Variants in ECT2L observed in about 807,000 individuals in gnomAD.
ECT2L encodes epithelial cell transforming 2 like, also known as epithelial cell-transforming sequence 2 oncogene-like.
Under a neutral mutation model 122.8 loss-of-function variants are expected in ECT2L, and 126 were observed. That is an observed-to-expected ratio of 1.03 (90% CI 0.89 to 1.19). ECT2L has a LOEUF of 1.19. Ranked by LOEUF, ECT2L falls within the 50% of genes most tolerant of loss-of-function variation. ECT2L has a pLI of 0.00. For missense variants in ECT2L, 1,012 were observed against 1,064.1 expected (o/e 0.95, Z 0.68); for synonymous variants, 385 against 381.8 (o/e 1.01, Z -0.10).
At chr6:138,824,704 A>G (rs893989723) in intron 4 of ECT2L, among the ~76,000 whole-genome samples, 1 of 152,152 alleles carries the variant, frequency 6.6e-6, no homozygotes, top group Admixed American at 6.5e-5. Flanking sequence ...TCAGCCTCCC[A>G]TAGGGACGTG....
intron 13 of ECT2L, 63 bp from the exon 14 acceptor site, chr6:138,876,409 G>A (rs1778453970): frequency 3.4e-6 from 4 of 1,174,602 alleles, no homozygotes; most frequent in Non-Finnish European, 5.1e-6. Flanking sequence ...TGCGGGCACA[G>A]TACTGAGTTT....
intron 15 of ECT2L, among the ~76,000 whole-genome samples, chr6:138,882,037 G>T (rs1215242100): frequency 6.6e-6 from 1 of 152,156 alleles, no homozygotes; most frequent in Non-Finnish European, 1.5e-5. Flanking sequence ...AAACCAGAAG[G>T]ATTTAATGGG....
intron 5 of ECT2L, among the ~76,000 whole-genome samples, chr6:138,842,306 C>CA (rs34165891): frequency 0.55 from 83,281 of 151,516 alleles, 22,969 homozygotes; most frequent in Middle Eastern, 0.68. Context: ...TAAAAATACA[C>CA]AAAAACTAGG....
At chr6:138,837,641 C>CAAAA (rs56775844) in intron 4 of ECT2L, among the ~76,000 whole-genome samples, 1 of 142,754 alleles carries the variant, frequency 7.0e-6, no homozygotes, top group Non-Finnish European at 1.5e-5. Context: ...GCACTGGTCT[C>CAAAA]AAAAAAAAAA....
At chr6:138,807,836 GGTCT>G (rs1037277981) in intron 1 of ECT2L, among the ~76,000 whole-genome samples, 14 of 152,046 alleles carry the variant, frequency 9.2e-5, no homozygotes, top group African/African-American at 3.4e-4. Context: ...TATGTATGTG[GGTCT>G]GTTTCTGAAT....
intron 4 of ECT2L, among the ~76,000 whole-genome samples, chr6:138,824,915 T>C (rs1038519178): frequency 3.9e-5 from 6 of 152,186 alleles, no homozygotes; most frequent in African/African-American, 1.4e-4. Flanking sequence ...CATCAACTCA[T>C]TGGCCCTAAG....
At chr6:138,880,032 C>A (rs550932604) in intron 14 of ECT2L, among the ~76,000 whole-genome samples, 1 of 152,278 alleles carries the variant, frequency 6.6e-6, no homozygotes, top group Non-Finnish European at 1.5e-5. Context: ...GGCAACCTGG[C>A]TAGCCAGGAG....
In ECT2L at chr6:138,881,067, T is replaced by C; in HGVS notation, c.1776T>C (p.Tyr592=). ...TACTGGAAATTGTGAGAGATGTTTA[T>C]GTCGCACCACTGAAAGCAGCATTGT... is the stretch of plus-strand genomic sequence containing the variant. ...VQILEIVRDV[Y]VAPLKAALSS... Residue 592 remains tyrosine, a synonymous_variant, in exon 15 of 22, where the codon TAT becomes TAC. Coordinates refer to ENST00000541398, the MANE Select transcript of ECT2L (RefSeq NM_001077706.3). 2 of 1,614,228 alleles carry C rather than the reference T, an allele frequency of 1.2e-6. No individual in the cohort carries two copies. Among genetic ancestry groups the C allele is most frequent in the Non-Finnish European group, 1.7e-6 (2 of 1,180,044 alleles).
intron 1 of ECT2L, among the ~76,000 whole-genome samples, chr6:138,796,739 T>G (rs1368660238): frequency 6.6e-6 from 1 of 152,216 alleles, no homozygotes; most frequent in African/African-American, 2.4e-5. Flanking sequence ...CTTTAAAATA[T>G]CGATTTAAAA....
rs1252504073 is a variant in ECT2L, at chr6:138,797,860, C to T, written c.-244+1668C>T. On this transcript the variant is annotated intron_variant, in intron 1 of 21. Coordinates refer to ENST00000541398, the MANE Select transcript of ECT2L (RefSeq NM_001077706.3). ...TTCAGGGCTCAGTCCCAAAAGACTG[C>T]CCCCCACTTCAAATGCCAATCACAA... Among the ~76,000 whole-genome samples, 6 of 152,196 alleles carry T rather than the reference C, an allele frequency of 3.9e-5. No individual in the cohort carries two copies. The East Asian group carries it at 9.7e-4, about 24-fold the overall frequency.
intron 8 of ECT2L, among the ~76,000 whole-genome samples, chr6:138,847,463 C>T (rs866409870): frequency 1.4e-5 from 2 of 141,122 alleles, no homozygotes; most frequent in African/African-American, 2.6e-5. Flanking sequence ...CTCTGCCTCC[C>T]GGGTTCACAC....
chr6:138,810,540 A>G (rs974819283), intron 1 of ECT2L, among the ~76,000 whole-genome samples: 3 of 152,250 alleles, frequency 2.0e-5, no homozygotes, highest in Non-Finnish European at 2.9e-5. Flanking sequence ...TTAGAATCAA[A>G]TATATAATTT....
In ECT2L at chr6:138,865,002, G is replaced by GT; in HGVS notation, c.1299dup (p.Asp434Ter). 2.5e-6 allele frequency: 4 copies of GT among 1,612,502 alleles called. No individual in the cohort carries two copies. The highest frequency in any genetic ancestry group is 3.4e-6 in the Non-Finnish European group (4 of 1,179,504). On this transcript the variant is annotated frameshift_variant, in exon 12 of 22. Coordinates refer to ENST00000541398, the MANE Select transcript of ECT2L (RefSeq NM_001077706.3). LOFTEE classifies it high-confidence loss of function. ...CAGAAGAAAATCATGTCAGTTCTTA[G>GT]TGATTGGCTGGGATCCCAATGGGGA...
chr6:138,806,514 T>C (rs67350973), intron 1 of ECT2L, among the ~76,000 whole-genome samples: 11 of 105,308 alleles, frequency 1.0e-4, no homozygotes, highest in Non-Finnish European at 1.1e-4. Context: ...ATTCACGCTT[T>C]TTTTTTTTTT....
intron 1 of ECT2L, among the ~76,000 whole-genome samples, chr6:138,808,163 T>C (rs1775774234): frequency 6.6e-6 from 1 of 152,224 alleles, no homozygotes; most frequent in Non-Finnish European, 1.5e-5. Context: ...CTTTAGGTCT[T>C]TAAAATTTTT....
Position 138,903,440 on chromosome 6 carries a change from A to C in ECT2L, c.*813A>C, listed in dbSNP as rs191037027. The C allele has an allele frequency of 1.3e-5, 2 of 152,248 alleles. No homozygotes were observed. The highest frequency in any genetic ancestry group is 2.4e-5 in the African/African-American group (1 of 41,554). 9.4% of individuals were successfully genotyped at this position (152,248 alleles called of 1,614,324 possible). ...ACTTGTCACACTTATCCTTAGTATG[A>C]ATGTACTCCTCTAGAGAGCATTAAA... On this transcript the variant is annotated 3_prime_UTR_variant, in exon 22 of 22. Coordinates refer to ENST00000541398, the MANE Select transcript of ECT2L (RefSeq NM_001077706.3).
intron 9 of ECT2L, among the ~76,000 whole-genome samples, 167 bp from the exon 10 acceptor site, chr6:138,853,859 G>A (rs1484514080): frequency 6.6e-6 from 1 of 152,210 alleles, no homozygotes; most frequent in Non-Finnish European, 1.5e-5. Flanking sequence ...CCAGGACCAT[G>A]GAGATGGCTC....
Position 138,868,199 on chromosome 6 carries a change from A to AAGATTC in ECT2L, c.1572_1577dup (p.Asp525_Ser526dup). The AAGATTC allele has an allele frequency of 6.2e-7, 1 of 1,610,502 alleles. No homozygotes were observed. Among genetic ancestry groups the AAGATTC allele is most frequent in the Non-Finnish European group, 8.5e-7 (1 of 1,178,594 alleles). On this transcript the variant is annotated inframe_insertion, in exon 13 of 22. Coordinates refer to ENST00000541398, the MANE Select transcript of ECT2L (RefSeq NM_001077706.3). ...GATGGATTGATGGAGTTGTCAAAAG[A>AAGATTC]AGATTCTGTAAGTGTTTCTTTGAAG...
intron 4 of ECT2L, among the ~76,000 whole-genome samples, chr6:138,827,990 G>A (rs1291271439): frequency 1.3e-5 from 2 of 151,866 alleles, no homozygotes; most frequent in Admixed American, 1.3e-4. Context: ...ACAACGTGCA[G>A]GTTACATATG....
Sources: allele counts gnomAD v4.1 joint callset (sites outside exome capture counted in the v4.1 genomes callset), GRCh38; gene constraint gnomAD v4.1.1; transcripts MANE v1.5; gene names NCBI Gene and HGNC (gene_info 2026-07-23, HGNC 2026-07-21).